The following SLC38A11 variants were observed in gnomAD, a reference collection of about 807,000 sequenced individuals.
The protein encoded by SLC38A11 is solute carrier family 38 member 11.
SLC38A11 carries 51 observed loss-of-function variants against 49.4 expected under a neutral mutation model. The observed-to-expected ratio is 1.03, with a 90% CI of 0.83 to 1.30. The LOEUF (loss-of-function observed/expected upper bound fraction) is 1.30, where lower values mean the gene tolerates loss of function less well. Among genes scored for constraint, SLC38A11 ranks in the 50% most tolerant of loss-of-function variants. The probability of loss-of-function intolerance (pLI) is 0.00; values close to 1 mark genes in which losing one functional copy is unlikely to be tolerated. For missense variants in SLC38A11, 574 were observed against 556.2 expected (o/e 1.03, Z -0.32); for synonymous variants, 203 against 192.9 (o/e 1.05, Z -0.43).
rs1208860966 is a variant in SLC38A11, at chr2:164,894,900, T to G, written c.*3537A>C. 5.3e-5 allele frequency among the ~76,000 whole-genome samples: 8 copies of G among 152,188 alleles called. No homozygotes were observed. Among genetic ancestry groups the G allele is most frequent in the Admixed American group, 5.2e-4 (8 of 15,272 alleles). ...CTAGCATGGTATTCCTACATCTTGC[T>G]TGTATTGTGTCCCAGCCTCTAAACA... On this transcript the variant is annotated 3_prime_UTR_variant, in exon 12 of 12. Transcript: ENST00000685975.
intron 7 of SLC38A11, among the ~76,000 whole-genome samples, chr2:164,920,719 A>G (rs1686134694): frequency 6.6e-6 from 1 of 152,128 alleles, no homozygotes; most frequent in African/African-American, 2.4e-5. Flanking sequence ...GAATGCTCCA[A>G]CAAAAGGAGA....
intron 3 of SLC38A11, among the ~76,000 whole-genome samples, chr2:164,952,374 A>G (rs1177702608): frequency 6.6e-6 from 1 of 152,180 alleles, no homozygotes; most frequent in Non-Finnish European, 1.5e-5. Flanking sequence ...AAGCCCTGCT[A>G]TCTGCACTTT....
intron 7 of SLC38A11, among the ~76,000 whole-genome samples, chr2:164,934,689 C>T (rs911120038): frequency 9.9e-5 from 15 of 152,222 alleles, no homozygotes; most frequent in African/African-American, 3.4e-4. Context: ...ACTTTTATTA[C>T]AACCCAGTGA....
In SLC38A11 at chr2:164,947,117, C is replaced by CTTTTTTTTTTTTTT. The variant is rs200284770; in HGVS notation, c.230-1404_230-1391dup. Among the ~76,000 whole-genome samples, 44 of 72,890 alleles carry CTTTTTTTTTTTTTT rather than the reference C, an allele frequency of 6.0e-4. 7 individuals are homozygous for CTTTTTTTTTTTTTT. The highest frequency in any genetic ancestry group is 2.5e-3 in the African/African-American group (33 of 12,974). 47.8% of individuals were successfully genotyped at this position (72,890 alleles called of 152,430 possible). On this transcript the variant is annotated intron_variant, in intron 3 of 11. Coordinates refer to ENST00000685975, the MANE Select transcript of SLC38A11 (RefSeq NM_001351537.2). ...CCTGGATTCTTGGACTTTTTTATCT[C>CTTTTTTTTTTTTTT]TTTTTTTTTTTTTTTTTTTTTTTTT...
chr2:164,925,471 A>T (rs1399540715), intron 7 of SLC38A11, among the ~76,000 whole-genome samples: 1 of 151,728 alleles, frequency 6.6e-6, no homozygotes, highest in Non-Finnish European at 1.5e-5. Flanking sequence ...TCTTCACTTT[A>T]TATGCAGTCC....
intron 8 of SLC38A11, 84 bp downstream of exon 8, chr2:164,915,819 C>T: frequency 1.0e-6 from 1 of 997,560 alleles, no homozygotes; most frequent in Non-Finnish European, 1.5e-6. Context: ...CATCTGCTAT[C>T]CAGACATAAA....
chr2:164,954,050 G>T (rs533789843), intron 2 of SLC38A11, among the ~76,000 whole-genome samples: 1 of 151,738 alleles, frequency 6.6e-6, no homozygotes, highest in East Asian at 1.9e-4. Flanking sequence ...AAAATAATAC[G>T]CATTTTCAAT....
At chr2:164,921,494 T>A (rs575153703) in intron 7 of SLC38A11, among the ~76,000 whole-genome samples, 13 of 143,838 alleles carry the variant, frequency 9.0e-5, no homozygotes, top group Non-Finnish European at 1.7e-4. Context: ...GCTATATTTT[T>A]AATTTTTTTT....
chr2:164,954,144 G>A (rs1304720932), intron 2 of SLC38A11, among the ~76,000 whole-genome samples: 2 of 151,972 alleles, frequency 1.3e-5, no homozygotes, highest in African/African-American at 2.4e-5. Context: ...ACACTGTATA[G>A]ATAGGTAAAG....
chr2:164,913,403 C>T (rs1685541883), intron 9 of SLC38A11, among the ~76,000 whole-genome samples: 1 of 151,974 alleles, frequency 6.6e-6, no homozygotes, highest in South Asian at 2.1e-4. Flanking sequence ...GAGTTCCCAC[C>T]GCCTCTCAAG....
chr2:164,913,402 C>T (rs561848422), intron 9 of SLC38A11, among the ~76,000 whole-genome samples: 1 of 152,146 alleles, frequency 6.6e-6, no homozygotes, highest in Non-Finnish European at 1.5e-5. Flanking sequence ...AGAGTTCCCA[C>T]CGCCTCTCAA....
chr2:164,934,498 G>A (rs1367397720), intron 7 of SLC38A11, among the ~76,000 whole-genome samples: 1 of 152,002 alleles, frequency 6.6e-6, no homozygotes, highest in Non-Finnish European at 1.5e-5. Flanking sequence ...CTCTACAGGT[G>A]GGGCTCTGGC....
chr2:164,941,861 T>C (rs1687790184), intron 5 of SLC38A11, among the ~76,000 whole-genome samples: 1 of 152,068 alleles, frequency 6.6e-6, no homozygotes, highest in South Asian at 2.1e-4. Context: ...GAAAGAAGCA[T>C]GTTATAGAAC....
chr2:164,908,474 C>T (rs1037379517), intron 11 of SLC38A11, among the ~76,000 whole-genome samples, 166 bp downstream of exon 11: 1 of 152,084 alleles, frequency 6.6e-6, no homozygotes, highest in Non-Finnish European at 1.5e-5. Flanking sequence ...TATAGTCCCA[C>T]AAAGTGCACA....
intron 10 of SLC38A11, 140 bp downstream of exon 10, chr2:164,911,496 G>C (rs929634659): frequency 3.3e-5 from 14 of 428,800 alleles, no homozygotes; most frequent in Non-Finnish European, 6.0e-5. Context: ...ACATTTTAGA[G>C]TCAAAAAAGA....
intron 6 of SLC38A11, 41 bp downstream of exon 6, chr2:164,939,409 A>G: frequency 7.3e-7 from 1 of 1,361,776 alleles, no homozygotes; most frequent in Non-Finnish European, 1.0e-6. Flanking sequence ...TATGCAGGCA[A>G]CAAGGTACAT....
intron 3 of SLC38A11, among the ~76,000 whole-genome samples, chr2:164,946,267 C>G (rs1458534047): frequency 1.3e-5 from 2 of 151,896 alleles, no homozygotes; most frequent in Non-Finnish European, 2.9e-5. Context: ...TGAAATTTTG[C>G]TGTTGAAATT....
intron 7 of SLC38A11, among the ~76,000 whole-genome samples, chr2:164,919,774 A>G (rs1313802253): frequency 2.0e-5 from 3 of 152,150 alleles, no homozygotes. Flanking sequence ...TTATTGTCAT[A>G]TTGTTATTTT....
intron 7 of SLC38A11, among the ~76,000 whole-genome samples, chr2:164,930,177 A>G (rs1014417071): frequency 2.0e-5 from 3 of 152,130 alleles, no homozygotes; most frequent in Non-Finnish European, 4.4e-5. Context: ...TCCTGGATAC[A>G]TACACCCTCC....
Sources: allele counts gnomAD v4.1 joint callset (sites outside exome capture counted in the v4.1 genomes callset), GRCh38; gene constraint gnomAD v4.1.1; transcripts MANE v1.5; gene names NCBI Gene and HGNC (gene_info 2026-07-23, HGNC 2026-07-21).